Variants in STT3B observed in about 807,000 individuals in gnomAD.
STT3B encodes dolichyl-diphosphooligosaccharide--protein glycosyltransferase subunit STT3B.
Under a neutral mutation model 96.8 loss-of-function variants are expected in STT3B, and 29 were observed. The ratio of observed to expected loss-of-function variants is 0.30; its 90% CI spans 0.22 to 0.41. The LOEUF (loss-of-function observed/expected upper bound fraction) is 0.41. Ranked by LOEUF, STT3B falls within the 10% of genes least tolerant of loss-of-function variation. STT3B has a pLI of 1.00. For missense variants in STT3B, 640 were observed against 1,022.3 expected (o/e 0.63, Z 5.10); for synonymous variants, 367 against 360.0 (o/e 1.02, Z -0.22).
At chr3:31,541,828 G>A (rs1007574851) in intron 1 of STT3B, among the ~76,000 whole-genome samples, 3 of 151,978 alleles carry the variant, frequency 2.0e-5, no homozygotes, top group Admixed American at 1.3e-4. Context: ...CACCCTCCTC[G>A]GCCTCCCAAA....
At chr3:31,563,749 T>C (rs1374973183) in intron 1 of STT3B, among the ~76,000 whole-genome samples, 4 of 152,188 alleles carry the variant, frequency 2.6e-5, no homozygotes, top group African/African-American at 9.7e-5. Context: ...GTGTGAATAG[T>C]GTTAGGATAG....
At position 31,532,990 on chromosome 3, in the gene STT3B, G is replaced by C. The variant is rs1696974486; in HGVS notation, c.-9G>C. Reference sequence around the variant, plus strand: ...AGGAGGAGAGCTAGACCCGCCGCCGGGGCACAACATGGCGGAGCCCTCGGC... The same window carrying C: ...AGGAGGAGAGCTAGACCCGCCGCCGCGGCACAACATGGCGGAGCCCTCGGC... On this transcript the variant is annotated 5_prime_UTR_variant, in exon 1 of 16. Coordinates refer to ENST00000295770, the MANE Select transcript of STT3B (RefSeq NM_178862.3). The C allele has an allele frequency of 1.9e-6, 3 of 1,585,642 alleles. No homozygotes were observed. Among genetic ancestry groups the C allele is most frequent in the Middle Eastern group, 3.3e-4 (2 of 6,002 alleles).
intron 15 of STT3B, 37 bp from the exon 16 acceptor site, chr3:31,635,947 A>C (rs1209798543): frequency 6.7e-7 from 1 of 1,490,686 alleles, no homozygotes; most frequent in Admixed American, 1.9e-5. Flanking sequence ...ATCAGTAAGA[A>C]ACCTGCATTA....
intron 1 of STT3B, among the ~76,000 whole-genome samples, chr3:31,543,702 A>T (rs922285062): frequency 3.9e-5 from 6 of 152,220 alleles, no homozygotes; most frequent in African/African-American, 1.4e-4. Context: ...AAGAAAAGGG[A>T]TAATGCTTAT....
intron 1 of STT3B, among the ~76,000 whole-genome samples, chr3:31,534,153 G>T (rs1697025157): frequency 1.3e-5 from 2 of 152,158 alleles, no homozygotes; most frequent in Admixed American, 1.3e-4. Context: ...TGAAAGCATT[G>T]CATTAGTTCC....
At chr3:31,604,049 AAAG>A (rs1227947594) in intron 5 of STT3B, among the ~76,000 whole-genome samples, 1 of 152,194 alleles carries the variant, frequency 6.6e-6, no homozygotes, top group Admixed American at 6.5e-5. Context: ...TAAGCACAGA[AAAG>A]AAATCAATTT....
chr3:31,571,283 A>ATT (rs112096800), intron 1 of STT3B, among the ~76,000 whole-genome samples: 23,565 of 143,520 alleles, frequency 0.16, 2,514 homozygotes, highest in East Asian at 0.37. Flanking sequence ...AGCCTCATGC[A>ATT]TTTTTTTTTT....
chr3:31,612,251 T>A (rs542791461), intron 5 of STT3B, among the ~76,000 whole-genome samples: 2 of 152,156 alleles, frequency 1.3e-5, no homozygotes, highest in Admixed American at 1.3e-4. Context: ...CACTGAAGAG[T>A]GTTATGACAT....
At chr3:31,580,485 T>C (rs1331093046) in intron 3 of STT3B, among the ~76,000 whole-genome samples, 2 of 152,206 alleles carry the variant, frequency 1.3e-5, no homozygotes, top group African/African-American at 4.8e-5. Flanking sequence ...TATTTAAACT[T>C]AATGATTTTT....
chr3:31,611,508 A>G (rs928971522), intron 5 of STT3B, among the ~76,000 whole-genome samples: 2 of 152,064 alleles, frequency 1.3e-5, no homozygotes, highest in African/African-American at 4.8e-5. Flanking sequence ...GTGTTTCTTT[A>G]TTTATTTTGA....
intron 1 of STT3B, among the ~76,000 whole-genome samples, chr3:31,541,429 A>T (rs1480492493): frequency 6.7e-6 from 1 of 149,464 alleles, no homozygotes; most frequent in Admixed American, 6.6e-5. Context: ...TAAACTTCAG[A>T]TAAATGGAAT....
chr3:31,539,033 A>G (rs1004280451), intron 1 of STT3B, among the ~76,000 whole-genome samples: 3 of 152,088 alleles, frequency 2.0e-5, no homozygotes, highest in Non-Finnish European at 2.9e-5. Context: ...ATTTAGGTAA[A>G]TGTATGTTAA....
chr3:31,612,733 C>T (rs558765134), intron 5 of STT3B, among the ~76,000 whole-genome samples: 23 of 152,200 alleles, frequency 1.5e-4, no homozygotes, highest in African/African-American at 3.9e-4. Flanking sequence ...TTTTCAAATA[C>T]GCCTGGAAAT....
chr3:31,629,158 A>G (rs931550238), intron 13 of STT3B, 140 bp from the exon 14 acceptor site: 1 of 612,536 alleles, frequency 1.6e-6, no homozygotes, highest in African/African-American at 1.9e-5. Context: ...TGGTGGGATT[A>G]ATTTTTTTGA....
At chr3:31,581,667 A>G (rs1010771129) in intron 3 of STT3B, among the ~76,000 whole-genome samples, 1 of 152,304 alleles carries the variant, frequency 6.6e-6, no homozygotes, top group African/African-American at 2.4e-5. Context: ...CTTTACTTGC[A>G]GTGTCTGTCT....
At chr3:31,615,036 T>G (rs1470361390) in intron 5 of STT3B, 69 bp from the exon 6 acceptor site, 1 of 894,398 alleles carries the variant, frequency 1.1e-6, no homozygotes, top group Non-Finnish European at 1.7e-6. Flanking sequence ...AGGATTTACA[T>G]ATACATTTAT....
rs561150617 is a variant in STT3B at position 31,569,876 on chromosome 3, A to G, written c.315-6520A>G. Among the ~76,000 whole-genome samples the G allele has an allele frequency of 2.3e-4, 35 of 152,142 alleles. 1 individual carries two copies. The East Asian group carries it at 6.0e-3, about 26-fold the overall frequency. ...CATATATATGTATTATGTTACTCATATGTGTCATTATGTATGTAAATCATA... is the reference window on the plus strand; with the variant it reads ...CATATATATGTATTATGTTACTCATGTGTGTCATTATGTATGTAAATCATA... On this transcript the variant is annotated intron_variant, in intron 1 of 15. Coordinates refer to ENST00000295770, the MANE Select transcript of STT3B (RefSeq NM_178862.3).
chr3:31,566,114 C>A (rs1697998111), intron 1 of STT3B, among the ~76,000 whole-genome samples: 1 of 152,180 alleles, frequency 6.6e-6, no homozygotes, highest in African/African-American at 2.4e-5. Context: ...TACCATATGT[C>A]ATTCAAAACT....
At chr3:31,621,569 A>G (rs1439334952) in intron 9 of STT3B, among the ~76,000 whole-genome samples, 1 of 152,262 alleles carries the variant, frequency 6.6e-6, no homozygotes, top group Non-Finnish European at 1.5e-5. Flanking sequence ...CACATTATCC[A>G]GAAAGCTCTG....
Sources: gnomAD v4.1 joint callset for allele counts (sites outside exome capture counted in the v4.1 genomes callset) on GRCh38, gnomAD v4.1.1 for gene constraint, MANE v1.5 for transcripts, NCBI Gene and HGNC (gene_info 2026-07-23, HGNC 2026-07-21) for gene names.